The following LPP variants were observed in gnomAD, a reference collection of about 807,000 sequenced individuals.
The protein encoded by LPP is lipoma-preferred partner.
Under a neutral mutation model 60.4 loss-of-function variants are expected in LPP, and 38 were observed. The ratio of observed to expected loss-of-function variants is 0.63; its 90% confidence interval spans 0.49 to 0.83. The LOEUF (loss-of-function observed/expected upper bound fraction) is 0.83, where lower values mean the gene tolerates loss of function less well. Ranked by LOEUF, LPP falls within the 40% of genes least tolerant of loss-of-function variation. The pLI is 0.00. For missense variants in LPP, 902 were observed against 783.6 expected, an observed-to-expected ratio of 1.15 and a Z score of -1.80; for synonymous variants, 328 against 290.8, an observed-to-expected ratio of 1.13 and a Z score of -1.30.
chr3:188,813,886 A>G (rs1751751128), intron 9 of LPP, among the ~76,000 whole-genome samples: 2 of 152,170 alleles, frequency 1.3e-5, no homozygotes, highest in Admixed American at 6.5e-5. Flanking sequence ...CCTGGCCAAC[A>G]TGGTGAAACC....
rs531655573 is a variant in LPP, at chr3:188,191,963, T to C, written c.-189-33442T>C. Among the ~76,000 whole-genome samples the C allele has an allele frequency of 1.7e-3, 253 of 151,016 alleles. 1 individual carries two copies. The highest frequency in any genetic ancestry group is 6.0e-3 in the African/African-American group (248 of 41,094). On this transcript the variant is annotated intron_variant, in intron 1 of 11. Transcript: ENST00000617246. ...CTTTAGTTGCTGGATCTTGAGGAGG[T>C]TTGAGGGTTCCTAGGGGGGGATTGG...
At chr3:188,419,642 C>G (rs1250014123) in intron 4 of LPP, among the ~76,000 whole-genome samples, 2 of 152,176 alleles carry the variant, frequency 1.3e-5, no homozygotes, top group African/African-American at 4.8e-5. Flanking sequence ...CCTGTAATCC[C>G]AGCACTTTGG....
chr3:188,865,779 G>A (rs192115127), intron 9 of LPP, among the ~76,000 whole-genome samples: 19 of 152,076 alleles, frequency 1.2e-4, no homozygotes, highest in Admixed American at 1.1e-3. Flanking sequence ...AAGTTGACTT[G>A]TTACAACAAA....
intron 7 of LPP, among the ~76,000 whole-genome samples, chr3:188,686,054 T>C (rs1434159743): frequency 6.6e-6 from 1 of 152,152 alleles, no homozygotes; most frequent in Non-Finnish European, 1.5e-5. Flanking sequence ...CATGCATTGC[T>C]CACCTCTCTA....
At chr3:188,207,246 T>TC (rs1733528739) in intron 1 of LPP, among the ~76,000 whole-genome samples, 1 of 150,374 alleles carries the variant, frequency 6.7e-6, no homozygotes, top group Admixed American at 6.6e-5. Context: ...TTTTTTTTTT[T>TC]CTTGAGGTGG....
chr3:188,252,895 C>T (rs1168343840), intron 2 of LPP, among the ~76,000 whole-genome samples: 1 of 152,158 alleles, frequency 6.6e-6, no homozygotes, highest in East Asian at 1.9e-4. Context: ...CCTCAACCTC[C>T]CAAGTAGCTG....
At chr3:188,684,061 G>A (rs1438840463) in intron 7 of LPP, among the ~76,000 whole-genome samples, 5 of 152,208 alleles carry the variant, frequency 3.3e-5, no homozygotes, top group Non-Finnish European at 7.3e-5. Context: ...TGAAGATTCT[G>A]CAGTCAAACT....
chr3:188,787,508 C>T (rs1308474009), intron 9 of LPP, among the ~76,000 whole-genome samples: 1 of 152,010 alleles, frequency 6.6e-6, no homozygotes, highest in East Asian at 1.9e-4. Flanking sequence ...CAGTTTCTAT[C>T]CCCACCTCTC....
Position 188,457,739 on chromosome 3 carries a change from A to AAATAT in LPP, c.194-26852_194-26851insATATA, listed in dbSNP as rs1553903685. The stretch of plus-strand genomic sequence containing the variant: ...AACACTGTCTCTACTAAAAAAAAAA[A>AAATAT]ATATATATATATATATAAAATTAGC... On this transcript the variant is annotated intron_variant, in intron 4 of 11. Transcript: ENST00000617246. Among the ~76,000 whole-genome samples the AAATAT allele has an allele frequency of 6.6e-4, 92 of 140,072 alleles. No homozygotes were observed. The South Asian group carries it at 0.015, about 23-fold the overall frequency. The allele number at this position is 140,072 out of a possible 152,430, so 91.9% of individuals were successfully genotyped here. A position where few individuals can be genotyped will look rare whatever the true frequency, so the allele number is the denominator to read the frequency against.
At chr3:188,534,164 A>G (rs760565555) in intron 6 of LPP, among the ~76,000 whole-genome samples, 1 of 152,218 alleles carries the variant, frequency 6.6e-6, no homozygotes, top group Non-Finnish European at 1.5e-5. Flanking sequence ...ATAGCTGCTG[A>G]GTGCCATGGG....
intron 2 of LPP, among the ~76,000 whole-genome samples, chr3:188,306,677 G>A (rs984298220): frequency 1.3e-5 from 2 of 152,176 alleles, no homozygotes; most frequent in Admixed American, 6.5e-5. Context: ...GATGCAGTGC[G>A]TGGTGGGGAA....
intron 1 of LPP, among the ~76,000 whole-genome samples, chr3:188,154,606 C>A (rs2148630274): frequency 6.6e-6 from 1 of 152,358 alleles, no homozygotes; most frequent in Admixed American, 6.5e-5. Context: ...TAGACCCAGT[C>A]CTCCAAGTCC....
chr3:188,435,928 C>A (rs995432744), intron 4 of LPP, among the ~76,000 whole-genome samples: 1 of 152,186 alleles, frequency 6.6e-6, no homozygotes, highest in Non-Finnish European at 1.5e-5. Flanking sequence ...TCTCCAGCTG[C>A]ATTTCCTGAC....
At chr3:188,541,814 T>G (rs1825256837) in intron 6 of LPP, among the ~76,000 whole-genome samples, 1 of 151,980 alleles carries the variant, frequency 6.6e-6, no homozygotes, top group Admixed American at 6.6e-5. Flanking sequence ...GGAGAATTGC[T>G]TGAACTCAGG....
intron 5 of LPP, among the ~76,000 whole-genome samples, chr3:188,495,064 TTATATA>T (rs1192152538): frequency 1.1e-4 from 6 of 53,876 alleles, no homozygotes; most frequent in East Asian, 1.8e-3. Flanking sequence ...GTTCAGGATT[TTATATA>T]TATATATATA....
chr3:188,740,191 G>A (rs138476665), intron 8 of LPP, among the ~76,000 whole-genome samples: 1 of 152,106 alleles, frequency 6.6e-6, no homozygotes, highest in Admixed American at 6.6e-5. Flanking sequence ...CAATTACTCT[G>A]TTTCCCTAGT....
chr3:188,662,129 C>T (rs947631817), intron 7 of LPP, among the ~76,000 whole-genome samples: 4 of 152,176 alleles, frequency 2.6e-5, no homozygotes, highest in East Asian at 1.9e-4. Context: ...CTCAGTTATG[C>T]GACATAGTGC....
At chr3:188,361,037 A>G (rs1258623449) in intron 3 of LPP, among the ~76,000 whole-genome samples, 1 of 152,156 alleles carries the variant, frequency 6.6e-6, no homozygotes. Context: ...ATTAATGATG[A>G]GGCATGAAAG....
intron 1 of LPP, among the ~76,000 whole-genome samples, chr3:188,218,115 G>A (rs1403337908): frequency 2.0e-4 from 31 of 152,226 alleles, no homozygotes; most frequent in Non-Finnish European, 2.9e-5. Flanking sequence ...AGATGGGTCT[G>A]GAAGGCTCAG....
Sources: allele counts gnomAD v4.1 joint callset (sites outside exome capture counted in the v4.1 genomes callset), GRCh38; gene constraint gnomAD v4.1.1; transcripts MANE v1.5; gene names NCBI Gene and HGNC (gene_info 2026-07-23, HGNC 2026-07-21).